OPCML: variants seen among roughly 807,000 people sequenced by gnomAD.
OPCML encodes opioid-binding protein/cell adhesion molecule.
OPCML carries 13 observed loss-of-function variants against 37.8 expected under a neutral mutation model. That is an observed-to-expected ratio of 0.34 (90% CI 0.22 to 0.55). The LOEUF (loss-of-function observed/expected upper bound fraction) is 0.55. Among genes scored for constraint, OPCML ranks in the 20% least tolerant of loss-of-function variants. The pLI, the probability that OPCML is intolerant of heterozygous loss-of-function variation, is 0.91. For missense variants in OPCML, 341 were observed against 435.6 expected (o/e 0.78, Z 1.93); for synonymous variants, 176 against 168.8 (o/e 1.04, Z -0.33).
chr11:132,749,878 G>GTATT (rs1224966394), intron 2 of OPCML, among the ~76,000 whole-genome samples: 1 of 151,988 alleles, frequency 6.6e-6, no homozygotes, highest in Non-Finnish European at 1.5e-5. Flanking sequence ...TTATTTATTT[G>GTATT]TATTTATTTA....
intron 2 of OPCML, among the ~76,000 whole-genome samples, chr11:132,815,496 A>C (rs1939580466): frequency 6.6e-6 from 1 of 152,212 alleles, no homozygotes; most frequent in Non-Finnish European, 1.5e-5. Flanking sequence ...AAGGAATTTA[A>C]GGTCTGTTTG....
chr11:133,163,623 T>C (rs1012187808), intron 1 of OPCML, among the ~76,000 whole-genome samples: 1 of 152,238 alleles, frequency 6.6e-6, no homozygotes, highest in African/African-American at 2.4e-5. Context: ...TCCGTCTTTC[T>C]GGCTGTCTGG....
At chr11:132,531,903 C>A (rs1269196145) in intron 3 of OPCML, among the ~76,000 whole-genome samples, 2 of 151,986 alleles carry the variant, frequency 1.3e-5, no homozygotes, top group Non-Finnish European at 2.9e-5. Context: ...TGGAAGTGTT[C>A]GGCCATCTGA....
intron 1 of OPCML, among the ~76,000 whole-genome samples, chr11:133,390,978 A>T (rs768272545): frequency 6.6e-6 from 1 of 152,190 alleles, no homozygotes; most frequent in Non-Finnish European, 1.5e-5. Flanking sequence ...TGTGCAGCTT[A>T]AAAACAAACG....
chr11:133,326,738 TGGG>T (rs1317809337), intron 1 of OPCML, among the ~76,000 whole-genome samples: 1 of 17,194 alleles, frequency 5.8e-5, no homozygotes, highest in Non-Finnish European at 1.1e-4. Context: ...GGTATATAAG[TGGG>T]GGAGGTGTAG....
chr11:133,134,451 G>A (rs1049384942), intron 1 of OPCML, among the ~76,000 whole-genome samples: 2 of 151,848 alleles, frequency 1.3e-5, no homozygotes, highest in South Asian at 4.2e-4. Context: ...CCATTTCTTC[G>A]GAAAGGCCTT....
At chr11:133,006,780 C>T in intron 1 of OPCML, 1 of 985,464 alleles carries the variant, frequency 1.0e-6, no homozygotes, top group Non-Finnish European at 1.2e-6. Flanking sequence ...GCCCCATGCA[C>T]ACAGCAGGTC....
intron 4 of OPCML, among the ~76,000 whole-genome samples, chr11:132,512,203 A>G (rs911912581): frequency 6.6e-6 from 1 of 152,108 alleles, no homozygotes; most frequent in Non-Finnish European, 1.5e-5. Flanking sequence ...TAATATTTCA[A>G]AGACAGGATA....
intron 2 of OPCML, among the ~76,000 whole-genome samples, chr11:132,774,139 T>A (rs528476710): frequency 6.6e-6 from 1 of 152,190 alleles, no homozygotes; most frequent in Non-Finnish European, 1.5e-5. Context: ...GACTGTACTC[T>A]ATGTGTTAAG....
At chr11:133,434,821 T>TAC (rs1254294944) in intron 1 of OPCML, among the ~76,000 whole-genome samples, 5 of 139,268 alleles carry the variant, frequency 3.6e-5, no homozygotes, top group Non-Finnish European at 6.2e-5. Flanking sequence ...TATATATATA[T>TAC]ATACACACAC....
At chr11:133,237,300 G>A (rs536571925) in intron 1 of OPCML, among the ~76,000 whole-genome samples, 2 of 152,200 alleles carry the variant, frequency 1.3e-5, no homozygotes, top group Non-Finnish European at 2.9e-5. Context: ...ACATGCCCCG[G>A]CTGCTACAGC....
intron 3 of OPCML, among the ~76,000 whole-genome samples, chr11:132,621,792 A>T (rs2137920969): frequency 6.6e-6 from 1 of 152,298 alleles, no homozygotes; most frequent in East Asian, 1.9e-4. Flanking sequence ...ACACACTCCA[A>T]ACTGCTCTCT....
At chr11:133,422,381 ATATATATATATATG>A (rs1212836799) in intron 1 of OPCML, 6 of 923,912 alleles carry the variant, frequency 6.5e-6, no homozygotes, top group East Asian at 1.3e-4. Context: ...AAGACATTAT[ATATATATATATATG>A]TATATATGCG....
At chr11:132,510,404 A>G (rs998129189) in intron 4 of OPCML, among the ~76,000 whole-genome samples, 2 of 152,092 alleles carry the variant, frequency 1.3e-5, no homozygotes, top group African/African-American at 4.8e-5. Flanking sequence ...AAATGTGAGG[A>G]CATGAGATTT....
intron 1 of OPCML, among the ~76,000 whole-genome samples, chr11:133,528,123 AC>A (rs1431508616): frequency 1.3e-5 from 2 of 152,220 alleles, no homozygotes; most frequent in Non-Finnish European, 2.9e-5. Context: ...ACATGGGAGA[AC>A]CTCAAGCCCG....
intron 4 of OPCML, among the ~76,000 whole-genome samples, chr11:132,495,618 G>C (rs891533981): frequency 3.9e-5 from 6 of 152,134 alleles, no homozygotes; most frequent in African/African-American, 1.2e-4. Context: ...TTGGCCTGGC[G>C]CAGTGGCTCA....
intron 1 of OPCML, among the ~76,000 whole-genome samples, chr11:133,135,162 G>A (rs952853988): frequency 6.6e-6 from 1 of 152,038 alleles, no homozygotes. Flanking sequence ...ACAACGCATG[G>A]GCCTCTCATT....
At chr11:133,192,092 T>G (rs1938347662) in intron 1 of OPCML, among the ~76,000 whole-genome samples, 1 of 152,294 alleles carries the variant, frequency 6.6e-6, no homozygotes, top group Middle Eastern at 3.4e-3. Flanking sequence ...CAATAAATGT[T>G]GGTTGCAGGA....
intron 1 of OPCML, among the ~76,000 whole-genome samples, chr11:133,237,150 G>C (rs941045941): frequency 6.6e-6 from 1 of 152,220 alleles, no homozygotes; most frequent in Non-Finnish European, 1.5e-5. Flanking sequence ...TTTAATGATA[G>C]GGCAGCCCAC....
Sources: allele counts gnomAD v4.1 joint callset (sites outside exome capture counted in the v4.1 genomes callset), GRCh38; gene constraint gnomAD v4.1.1; transcripts MANE v1.5; gene names NCBI Gene and HGNC (gene_info 2026-07-23, HGNC 2026-07-21).